RBMS1: variants seen among roughly 807,000 people sequenced by gnomAD.
The protein encoded by RBMS1 is RNA-binding motif, single-stranded-interacting protein 1.
A neutral mutation model predicts 62.3 loss-of-function variants in RBMS1; 17 were observed. That is an observed-to-expected ratio of 0.27 (90% confidence interval 0.19 to 0.41). The LOEUF (loss-of-function observed/expected upper bound fraction) is 0.41. RBMS1 is among the 10% of genes least tolerant of loss of function. RBMS1 has a pLI of 1.00. For missense variants in RBMS1, 334 were observed against 504.5 expected, an observed-to-expected ratio of 0.66 and a Z score of 3.24; for synonymous variants, 172 against 170.0, an observed-to-expected ratio of 1.01 and a Z score of -0.09.
chr2:160,313,165 T>C lies in RBMS1; in HGVS notation c.393A>G (p.Gln131=), dbSNP rs1213101218. The C allele has an allele frequency of 6.2e-7, 1 of 1,613,398 alleles. No homozygotes were observed. The highest frequency in any genetic ancestry group is 8.5e-7 in the Non-Finnish European group (1 of 1,179,492). ...CTGGCTCTCAACTCACCTTTGCCAT[T>C]TGAGCTTGAACCCCACTGGCCTTCA... The part of the protein sequence containing the change: ...SALKASGVQA[Q]MAKQQEQDPT... Residue 131 remains glutamine, a synonymous_variant, in exon 4 of 14, where the codon CAA becomes CAG. Coordinates refer to ENST00000348849, the MANE Select transcript of RBMS1 (RefSeq NM_016836.4).
At chr2:160,472,307 T>C (rs920687630) in intron 1 of RBMS1, among the ~76,000 whole-genome samples, 1 of 152,134 alleles carries the variant, frequency 6.6e-6, no homozygotes, top group African/African-American at 2.4e-5. Flanking sequence ...ACATTAAAAA[T>C]ATATATATTT....
At chr2:160,365,615 CCTT>C (rs1226045921) in intron 2 of RBMS1, among the ~76,000 whole-genome samples, 2 of 152,178 alleles carry the variant, frequency 1.3e-5, no homozygotes, top group Admixed American at 1.3e-4. Flanking sequence ...TTAACTGTCT[CCTT>C]GACATCAAAA....
intron 10 of RBMS1, chr2:160,279,564 A>G (rs1300801765): frequency 1.3e-5 from 2 of 152,210 alleles, no homozygotes; most frequent in African/African-American, 2.4e-5. Flanking sequence ...AACTATCATT[A>G]TCATCATTTT....
intron 1 of RBMS1, among the ~76,000 whole-genome samples, chr2:160,451,370 T>C (rs1263538520): frequency 6.6e-6 from 1 of 152,108 alleles, no homozygotes; most frequent in African/African-American, 2.4e-5. Context: ...CTTCATAGTT[T>C]TTATCTCCTT....
At chr2:160,298,899 G>A (rs1417342569) in intron 6 of RBMS1, among the ~76,000 whole-genome samples, 1 of 152,050 alleles carries the variant, frequency 6.6e-6, no homozygotes, top group Non-Finnish European at 1.5e-5. Flanking sequence ...GGAAGGTGCT[G>A]TGAGGAGATT....
At chr2:160,419,239 G>A (rs1248267530) in intron 1 of RBMS1, among the ~76,000 whole-genome samples, 1 of 152,068 alleles carries the variant, frequency 6.6e-6, no homozygotes, top group Non-Finnish European at 1.5e-5. Context: ...AGAAGTCTTA[G>A]AATTCACTTA....
chr2:160,305,871 T>C (rs1446002336), intron 4 of RBMS1, among the ~76,000 whole-genome samples: 1 of 152,060 alleles, frequency 6.6e-6, no homozygotes, highest in Admixed American at 6.6e-5. Context: ...CCAGGCACAG[T>C]GGCTCACACT....
chr2:160,372,710 T>C (rs1456582959), intron 1 of RBMS1, among the ~76,000 whole-genome samples: 1 of 152,180 alleles, frequency 6.6e-6, no homozygotes, highest in East Asian at 1.9e-4. Context: ...TTTGGCCATA[T>C]GAGTGACTGA....
intron 2 of RBMS1, among the ~76,000 whole-genome samples, chr2:160,338,816 T>C (rs1229018946): frequency 6.6e-6 from 1 of 152,192 alleles, no homozygotes; most frequent in Non-Finnish European, 1.5e-5. Flanking sequence ...GAGGAGCCTC[T>C]GATAATCACC....
chr2:160,311,595 C>A (rs964767697), intron 4 of RBMS1, among the ~76,000 whole-genome samples: 1 of 151,940 alleles, frequency 6.6e-6, no homozygotes, highest in Non-Finnish European at 1.5e-5. Context: ...TATAAAATTA[C>A]TTTCCTCTTT....
intron 1 of RBMS1, among the ~76,000 whole-genome samples, chr2:160,429,001 G>C (rs1472331233): frequency 1.3e-5 from 2 of 152,122 alleles, no homozygotes; most frequent in Admixed American, 1.3e-4. Context: ...TTTCCAAGCT[G>C]CACTTTTCAA....
rs1379075165 is a variant in RBMS1 at position 160,371,270 on chromosome 2, C to G, written c.76-3879G>C. On this transcript the variant is annotated intron_variant, in intron 1 of 13. Coordinates refer to ENST00000348849, the MANE Select transcript of RBMS1 (RefSeq NM_016836.4). ...GGGACAAAAAGGGACAATATTTTAG[C>G]CAGTTCCATTTTCATCACTGGTAGT... Among the ~76,000 whole-genome samples, 4 of 152,304 alleles carry G rather than the reference C, an allele frequency of 2.6e-5. No individual in the cohort carries two copies. The East Asian group carries it at 7.7e-4, about 29-fold the overall frequency.
At chr2:160,285,104 A>G in intron 7 of RBMS1, 60 bp from the exon 8 acceptor site, 1 of 1,541,334 alleles carries the variant, frequency 6.5e-7, no homozygotes, top group Non-Finnish European at 9.0e-7. Flanking sequence ...TAAAAATTCT[A>G]TTTTTAGCCA....
In RBMS1 at chr2:160,300,703, A is replaced by C. The variant is rs535279847; in HGVS notation, c.588T>G (p.Ala196=). The C allele has an allele frequency of 1.0e-5, 16 of 1,601,492 alleles. No homozygotes were observed. The Admixed American group carries it at 2.5e-4, about 26-fold the overall frequency. Residue 196 remains alanine, a synonymous_variant, in exon 6 of 14, where the codon GCT becomes GCG. Coordinates refer to ENST00000348849, the MANE Select transcript of RBMS1 (RefSeq NM_016836.4). ...ARMESTEKCE[A]VIGHFNGKFI... ...ATTTTCCATTAAAATGACCAATAAC[A>C]GCTTCACATTTTTCTGTTGATTCCA...
At chr2:160,438,308 G>C (rs1430618390) in intron 1 of RBMS1, among the ~76,000 whole-genome samples, 1 of 150,734 alleles carries the variant, frequency 6.6e-6, no homozygotes, top group South Asian at 2.1e-4. Flanking sequence ...TTCTCGCAGA[G>C]GGGGATTTGG....
intron 1 of RBMS1, among the ~76,000 whole-genome samples, chr2:160,470,207 T>C (rs11679846): frequency 0.18 from 27,971 of 152,182 alleles, 3,478 homozygotes; most frequent in Admixed American, 0.34. Context: ...AGTTTTTCGA[T>C]TGTCAGTAGA....
intron 2 of RBMS1, among the ~76,000 whole-genome samples, chr2:160,331,225 A>AT (rs1463951181): frequency 2.7e-4 from 41 of 151,130 alleles, no homozygotes; most frequent in African/African-American, 9.7e-4. Flanking sequence ...AATGAATAAA[A>AT]CTCCAGCCAG....
chr2:160,276,921 T>G (rs940241019), intron 12 of RBMS1, among the ~76,000 whole-genome samples: 20 of 152,172 alleles, frequency 1.3e-4, no homozygotes, highest in African/African-American at 4.6e-4. Flanking sequence ...GGCCTGGATG[T>G]TGTTACCCTA....
chr2:160,439,672 CA>C (rs1362998298), intron 1 of RBMS1, among the ~76,000 whole-genome samples: 4 of 152,200 alleles, frequency 2.6e-5, no homozygotes, highest in African/African-American at 9.6e-5. Context: ...GCAGAGGCTG[CA>C]ATCTCGGCAC....
Sources: gnomAD v4.1 joint callset for allele counts (sites outside exome capture counted in the v4.1 genomes callset) on GRCh38, gnomAD v4.1.1 for gene constraint, MANE v1.5 for transcripts, NCBI Gene and HGNC (gene_info 2026-07-23, HGNC 2026-07-21) for gene names.